The following MACF1 variants were observed in gnomAD, a reference collection of about 807,000 sequenced individuals.
MACF1 encodes microtubule actin crosslinking factor 1, also known as microtubule-actin cross-linking factor 1.
Under a neutral mutation model 854.8 loss-of-function variants are expected in MACF1, and 193 were observed. The observed-to-expected ratio is 0.23, with a 90% CI of 0.20 to 0.25. The LOEUF (loss-of-function observed/expected upper bound fraction) is 0.25, where lower values mean the gene tolerates loss of function less well. Ranked by LOEUF, MACF1 falls within the 10% of genes least tolerant of loss-of-function variation. The probability of loss-of-function intolerance (pLI) is 1.00; values close to 1 mark genes in which losing one functional copy is unlikely to be tolerated. For missense variants in MACF1, 7,722 were observed against 8,929.1 expected, an observed-to-expected ratio of 0.86 and a Z score of 5.45; for synonymous variants, 3,185 against 3,226.7, an observed-to-expected ratio of 0.99 and a Z score of 0.44.
At position 39,304,556 on chromosome 1, in the gene MACF1, C is replaced by A. The variant is rs904789107; in HGVS notation, c.2789+1478C>A. Reference sequence around the variant, plus strand: ...TTCAGCAACACTCCTTTCAAATTTTCTTTTCTTTCTTTTTTTTTTTTTCTT... The same window carrying A: ...TTCAGCAACACTCCTTTCAAATTTTATTTTCTTTCTTTTTTTTTTTTTCTT... On this transcript the variant is annotated intron_variant, in intron 23 of 100. Coordinates refer to ENST00000564288, the MANE Select transcript of MACF1 (RefSeq NM_001394062.1). 1.1e-5 allele frequency: 10 copies of A among 942,100 alleles called. No individual in the cohort carries two copies. The Admixed American group carries it at 1.4e-4, about 13-fold the overall frequency. 58.4% of individuals were successfully genotyped at this position (942,100 alleles called of 1,614,324 possible). A position where few individuals can be genotyped will look rare whatever the true frequency, so the allele number is the denominator to read the frequency against.
chr1:39,478,404 C>T (rs1340633993), intron 97 of MACF1, among the ~76,000 whole-genome samples: 1 of 152,118 alleles, frequency 6.6e-6, no homozygotes, highest in Non-Finnish European at 1.5e-5. Context: ...ATCATCCAGA[C>T]AACAGGGCTC....
rs763816201 is a variant in MACF1 at position 39,231,283 on chromosome 1, A to G, written c.171+40A>G. On this transcript the variant is annotated intron_variant, in intron 2 of 100. Coordinates refer to ENST00000564288, the MANE Select transcript of MACF1 (RefSeq NM_001394062.1). ...TATATATGCTGCCCCAGCACCTCTC[A>G]CTGCTCTCATCTGGATCTGTCATTC... 4 of 1,549,344 alleles carry G rather than the reference A, an allele frequency of 2.6e-6. No homozygotes were observed. The East Asian group carries it at 9.0e-5, about 35-fold the overall frequency.
intron 98 of MACF1, 139 bp downstream of exon 98, chr1:39,480,148 G>A (rs1235351376): frequency 1.1e-5 from 6 of 556,198 alleles, no homozygotes; most frequent in African/African-American, 3.8e-5. Flanking sequence ...GAAATAAAAC[G>A]TGAAAACACA....
At chr1:39,117,918 G>T (rs979765584) in intron 2 of MACF1, among the ~76,000 whole-genome samples, 9 of 152,234 alleles carry the variant, frequency 5.9e-5, no homozygotes, top group African/African-American at 2.2e-4. Flanking sequence ...GATTAACAGA[G>T]ACCAGATCAT....
intron 56 of MACF1, among the ~76,000 whole-genome samples, chr1:39,384,519 C>G (rs935390116): frequency 2.0e-5 from 3 of 152,040 alleles, no homozygotes; most frequent in African/African-American, 4.8e-5. Flanking sequence ...TAGTAGGTGA[C>G]AGAACCAGGA....
chr1:39,137,542 T>G (rs2134472), intron 2 of MACF1, among the ~76,000 whole-genome samples: 91,395 of 152,082 alleles, frequency 0.6, 29,500 homozygotes, highest in South Asian at 0.77. Context: ...ATTTTTAAAT[T>G]TTTTGTAAAG....
In MACF1 at chr1:39,321,983, G is replaced by C. The variant is rs186868653; in HGVS notation, c.4030-625G>C. Among the ~76,000 whole-genome samples the C allele has an allele frequency of 5.0e-3, 755 of 152,328 alleles. 7 individuals carry two copies. Among genetic ancestry groups the C allele is most frequent in the African/African-American group, 0.017 (727 of 41,562 alleles). ...CCTAAGAGGCTACCGCACTTATAAG[G>C]CTACTTCATGTGAGAGAAGAAGAGA... On this transcript the variant is annotated intron_variant, in intron 31 of 100. Coordinates refer to ENST00000564288, the MANE Select transcript of MACF1 (RefSeq NM_001394062.1).
At position 39,379,153 on chromosome 1, in the gene MACF1, G is replaced by T. The variant is rs1649974977; in HGVS notation, c.13277-50G>T. ...TAATTTAGGAGTGAGGAGTCAAGGA[G>T]CATACTCGAAGAGCTGTCTCCAATC... is the stretch of plus-strand genomic sequence containing the variant. On this transcript the variant is annotated intron_variant, in intron 53 of 100. Coordinates refer to ENST00000564288, the MANE Select transcript of MACF1 (RefSeq NM_001394062.1). The T allele has an allele frequency of 2.6e-6, 4 of 1,520,142 alleles. No homozygotes were observed. The East Asian group carries it at 6.9e-5, about 26-fold the overall frequency. The allele number at this position is 1,520,142 out of a possible 1,614,324, so 94.2% of individuals were successfully genotyped here. A position where few individuals can be genotyped will look rare whatever the true frequency, so the allele number is the denominator to read the frequency against.
At chr1:39,233,775 CTTTTTTTTTT>C (rs11286953) in intron 2 of MACF1, among the ~76,000 whole-genome samples, 2 of 36,516 alleles carry the variant, frequency 5.5e-5, no homozygotes, top group Non-Finnish European at 1.3e-4. Context: ...CTAGCCATAG[CTTTTTTTTTT>C]TTTTTTTTTT....
At chr1:39,377,290 G>A (rs1332292184) in intron 52 of MACF1, among the ~76,000 whole-genome samples, 1 of 152,210 alleles carries the variant, frequency 6.6e-6, no homozygotes, top group African/African-American at 2.4e-5. Flanking sequence ...AGGATTACAG[G>A]TGTGAGCCAC....
chr1:39,430,916 T>G lies in MACF1; in HGVS notation c.17337+8T>G, dbSNP rs374435970. 1 of 1,601,860 alleles carries G rather than the reference T, an allele frequency of 6.2e-7. No homozygotes were observed. Among genetic ancestry groups the G allele is most frequent in the Non-Finnish European group, 8.5e-7 (1 of 1,170,614 alleles). On this transcript the variant is annotated splice_region_variant and intron_variant, in intron 66 of 100. Transcript: ENST00000564288. The stretch of plus-strand genomic sequence containing the variant: ...ATTCAGAGATCACAACAGGTAATGC[T>G]TATAATACCTCTGCATTAATATTTT...
At position 39,334,066 on chromosome 1, in the gene MACF1, A is replaced by T; in HGVS notation, c.7478A>T (p.Glu2493Val). 1.9e-6 allele frequency: 3 copies of T among 1,614,174 alleles called. No homozygotes were observed. Among genetic ancestry groups the T allele is most frequent in the Non-Finnish European group, 2.5e-6 (3 of 1,180,022 alleles). ...SIDRGLLERE[E>V]AVRLLTKQVV... is the part of the protein sequence containing the mutation. ...GACAGAGGTCTTTTGGAGAGAGAGG[A>T]GGCCGTTCGTTTGTTGACTAAGCAA... Residue 2493 changes from glutamate to valine, a missense_variant, in exon 37 of 101, where the codon GAG becomes GTG. By Grantham distance (121) the Glu-to-Val change is moderately radical (BLOSUM62 -2). Transcript: ENST00000564288.
At chr1:39,216,889 C>T (rs1041829604) in intron 1 of MACF1, among the ~76,000 whole-genome samples, 1 of 152,128 alleles carries the variant, frequency 6.6e-6, no homozygotes, top group Non-Finnish European at 1.5e-5. Flanking sequence ...CCCACATAAT[C>T]CCCTAAAGGC....
intron 35 of MACF1, 28 bp from the exon 36 acceptor site, chr1:39,327,189 TA>T: frequency 1.3e-6 from 2 of 1,523,804 alleles, no homozygotes; most frequent in Non-Finnish European, 1.8e-6. Context: ...TTTTTTCTCC[TA>T]AAAAAGCTTT....
intron 6 of MACF1, among the ~76,000 whole-genome samples, chr1:39,281,665 C>G (rs998861452): frequency 6.6e-6 from 1 of 152,038 alleles, no homozygotes; most frequent in African/African-American, 2.4e-5. Context: ...GTGAAATTTT[C>G]TAAAGCATAA....
chr1:39,234,691 C>T (rs1235874320), intron 2 of MACF1, among the ~76,000 whole-genome samples: 2 of 122,266 alleles, frequency 1.6e-5, no homozygotes, highest in Non-Finnish European at 3.4e-5. Context: ...CGGGCGGAGA[C>T]GCTCCTCACT....
intron 97 of MACF1, among the ~76,000 whole-genome samples, chr1:39,476,603 A>G (rs1644888535): frequency 6.6e-6 from 1 of 152,102 alleles, no homozygotes; most frequent in Admixed American, 6.6e-5. Flanking sequence ...AATTTATCCT[A>G]AGGAAATATC....
chr1:39,386,334 C>T (rs1055862252), intron 57 of MACF1, among the ~76,000 whole-genome samples: 1 of 151,652 alleles, frequency 6.6e-6, no homozygotes, highest in African/African-American at 2.4e-5. Context: ...GATCATGGCT[C>T]ACTGCACCCT....
At chr1:39,402,215 AAG>A (rs1211978589) in intron 58 of MACF1, among the ~76,000 whole-genome samples, 1 of 152,144 alleles carries the variant, frequency 6.6e-6, no homozygotes, top group African/African-American at 2.4e-5. Context: ...TGTCTCAAAA[AAG>A]AGGGGGTGAT....
Sources: allele counts gnomAD v4.1 joint callset (sites outside exome capture counted in the v4.1 genomes callset), GRCh38; gene constraint gnomAD v4.1.1; transcripts MANE v1.5; gene names NCBI Gene and HGNC (gene_info 2026-07-23, HGNC 2026-07-21).